The following TRAPPC9 variants were observed in gnomAD, a reference collection of about 807,000 sequenced individuals.
TRAPPC9 encodes the protein IKK2 binding protein.
Under a neutral mutation model 124.0 loss-of-function variants are expected in TRAPPC9, and 83 were observed. The ratio of observed to expected loss-of-function variants is 0.67; its 90% CI spans 0.56 to 0.80. The LOEUF (loss-of-function observed/expected upper bound fraction) is 0.80, where lower values mean the gene tolerates loss of function less well. Among genes scored for constraint, TRAPPC9 ranks in the 30% least tolerant of loss-of-function variants. TRAPPC9 has a pLI of 0.00. For synonymous variants in TRAPPC9, 638 were observed against 617.5 expected (o/e 1.03, Z -0.49); for missense variants, 1,302 against 1,508.3 (o/e 0.86, Z 2.27).
intron 17 of TRAPPC9, among the ~76,000 whole-genome samples, chr8:140,045,631 G>GAAA (rs57243402): frequency 0.022 from 721 of 33,050 alleles, 36 homozygotes; most frequent in East Asian, 0.037. Flanking sequence ...CATCTCGGCA[G>GAAA]AAAAAAAAAA....
chr8:139,882,065 A>C (rs939769471), intron 21 of TRAPPC9, among the ~76,000 whole-genome samples: 21 of 152,220 alleles, frequency 1.4e-4, no homozygotes, highest in African/African-American at 5.1e-4. Context: ...GAGTTTTCAC[A>C]CCAGGGCTTG....
At chr8:139,892,063 C>T (rs1205330557) in intron 20 of TRAPPC9, among the ~76,000 whole-genome samples, 1 of 152,176 alleles carries the variant, frequency 6.6e-6, no homozygotes, top group Non-Finnish European at 1.5e-5. Flanking sequence ...TGTGCATGCA[C>T]ACCAGTGTGA....
intron 7 of TRAPPC9, among the ~76,000 whole-genome samples, chr8:140,395,012 C>T (rs1050150611): frequency 4.6e-5 from 7 of 152,120 alleles, no homozygotes; most frequent in African/African-American, 9.7e-5. Context: ...TTCATTTGCC[C>T]GGCATCACTG....
At chr8:140,455,708 C>T (rs921749541) in intron 1 of TRAPPC9, among the ~76,000 whole-genome samples, 4 of 152,080 alleles carry the variant, frequency 2.6e-5, no homozygotes, top group African/African-American at 4.8e-5. Context: ...GGATTACAGG[C>T]GTGAGCCACC....
intron 7 of TRAPPC9, among the ~76,000 whole-genome samples, chr8:140,396,727 T>G (rs571767642): frequency 6.6e-6 from 1 of 152,016 alleles, no homozygotes; most frequent in South Asian, 2.1e-4. Flanking sequence ...CTATCTCCTA[T>G]TCATCCTTCA....
At chr8:140,081,047 C>T (rs1173248537) in intron 17 of TRAPPC9, among the ~76,000 whole-genome samples, 2 of 152,186 alleles carry the variant, frequency 1.3e-5, no homozygotes, top group South Asian at 2.1e-4. Flanking sequence ...TCCAGGGAGG[C>T]ACCCACCCTG....
chr8:140,137,884 A>T (rs2061329440), intron 17 of TRAPPC9, among the ~76,000 whole-genome samples: 1 of 152,252 alleles, frequency 6.6e-6, no homozygotes, highest in Non-Finnish European at 1.5e-5. Context: ...AGTAAAACCA[A>T]ATCCAGGTAT....
intron 19 of TRAPPC9, among the ~76,000 whole-genome samples, chr8:139,925,370 G>C (rs1231860415): frequency 3.3e-5 from 5 of 152,212 alleles, no homozygotes; most frequent in Non-Finnish European, 5.9e-5. Flanking sequence ...GAGAGAGCTA[G>C]AGAAGTGGAC....
intron 7 of TRAPPC9, among the ~76,000 whole-genome samples, chr8:140,374,897 T>C (rs1158374605): frequency 6.6e-6 from 1 of 152,240 alleles, no homozygotes; most frequent in Non-Finnish European, 1.5e-5. Context: ...GTAATAATAT[T>C]ACTTCATTCC....
intron 17 of TRAPPC9, among the ~76,000 whole-genome samples, chr8:140,124,668 C>T (rs2130644010): frequency 6.6e-6 from 1 of 152,038 alleles, no homozygotes; most frequent in Admixed American, 6.5e-5. Context: ...AAGCACAGCC[C>T]CTCACAGGAA....
chr8:140,239,762 T>G (rs764950893), intron 16 of TRAPPC9, among the ~76,000 whole-genome samples: 1 of 152,164 alleles, frequency 6.6e-6, no homozygotes, highest in Non-Finnish European at 1.5e-5. Context: ...AACACGTTTG[T>G]GGGAAAAACT....
At chr8:140,137,433 C>A (rs1043925572) in intron 17 of TRAPPC9, among the ~76,000 whole-genome samples, 1 of 151,186 alleles carries the variant, frequency 6.6e-6, no homozygotes, top group African/African-American at 2.5e-5. Flanking sequence ...AAGTGCTGTC[C>A]AAAGTCCAGA....
chr8:139,988,525 T>C (rs1837406165), intron 19 of TRAPPC9, among the ~76,000 whole-genome samples: 1 of 152,184 alleles, frequency 6.6e-6, no homozygotes, highest in South Asian at 2.1e-4. Context: ...CATCCGGCTT[T>C]ACCTACTTTG....
chr8:140,457,296 G>A (rs985601080), intron 1 of TRAPPC9, among the ~76,000 whole-genome samples: 12 of 152,218 alleles, frequency 7.9e-5, no homozygotes, highest in Non-Finnish European at 1.8e-4. Flanking sequence ...CGGAGGCACA[G>A]AGGGGAAGGG....
rs2067641248 is a variant in TRAPPC9 at position 140,353,296 on chromosome 8, G to A, written c.1495+6754C>T. ...ATCCTTAACACAGGTTCATTCACTG[G>A]CCCCCTCCCATCTCATGGGACCCCC... On this transcript the variant is annotated intron_variant, in intron 9 of 22. Transcript: ENST00000438773. The surrounding 1 kb of genome is among the most constrained non-coding windows in gnomAD (Gnocchi z 4.2). Among the ~76,000 whole-genome samples, 1 of 151,670 alleles carries A rather than the reference G, an allele frequency of 6.6e-6. No homozygotes were observed. The highest frequency in any genetic ancestry group is 2.1e-4 in the South Asian group (1 of 4,806).
At chr8:140,386,119 C>T (rs912652986) in intron 7 of TRAPPC9, among the ~76,000 whole-genome samples, 9 of 152,148 alleles carry the variant, frequency 5.9e-5, no homozygotes, top group African/African-American at 2.2e-4. Context: ...ATTCAACAGC[C>T]CTTCATGCTA....
At chr8:140,452,822 C>T (rs2071515646) in intron 1 of TRAPPC9, among the ~76,000 whole-genome samples, 1 of 151,152 alleles carries the variant, frequency 6.6e-6, no homozygotes. Context: ...AAGTCAGGGC[C>T]GATATTCAAC....
chr8:140,417,663 A>G (rs900895171), intron 5 of TRAPPC9, among the ~76,000 whole-genome samples: 1 of 152,238 alleles, frequency 6.6e-6, no homozygotes, highest in African/African-American at 2.4e-5. Flanking sequence ...CGATTCCTCA[A>G]GGATCTAGAA....
rs2064156016 is a variant in TRAPPC9 at position 140,252,632 on chromosome 8, A to C, written c.2431+145T>G. 1 of 870,034 alleles carries C rather than the reference A, an allele frequency of 1.1e-6. No individual in the cohort carries two copies. The highest frequency in any genetic ancestry group is 2.0e-5 in the Admixed American group (1 of 48,910). The allele number at this position is 870,034 out of a possible 1,614,324, so 53.9% of individuals were successfully genotyped here. A position where few individuals can be genotyped will look rare whatever the true frequency, so the allele number is the denominator to read the frequency against. ...ACATACAGTAACACACTCTGTTAACAAAGTGCCCAGGAGATGTCTCAGGCA... is the reference window on the plus strand; with the variant it reads ...ACATACAGTAACACACTCTGTTAACCAAGTGCCCAGGAGATGTCTCAGGCA... On this transcript the variant is annotated intron_variant, in intron 16 of 22. Coordinates refer to ENST00000438773, the MANE Select transcript of TRAPPC9 (RefSeq NM_001160372.4). The surrounding 1 kb of genome is among the most constrained non-coding windows in gnomAD (Gnocchi z 4.2).
Sources: gnomAD v4.1 joint callset for allele counts (sites outside exome capture counted in the v4.1 genomes callset) on GRCh38, gnomAD v4.1.1 for gene constraint, Gnocchi (gnomAD v3.1) non-coding constraint, MANE v1.5 for transcripts, NCBI Gene and HGNC (gene_info 2026-07-23, HGNC 2026-07-21) for gene names.